The following NOS1AP variants were observed in gnomAD, a reference collection of about 807,000 sequenced individuals.
NOS1AP encodes carboxyl-terminal PDZ ligand of neuronal nitric oxide synthase protein.
NOS1AP carries 21 observed loss-of-function variants against 56.2 expected under a neutral mutation model. That is an observed-to-expected ratio of 0.37 (90% confidence interval 0.26 to 0.54). The LOEUF (loss-of-function observed/expected upper bound fraction) is 0.54. Ranked by LOEUF, NOS1AP falls within the 20% of genes least tolerant of loss-of-function variation. The pLI, the probability that NOS1AP is intolerant of heterozygous loss-of-function variation, is 0.84. For synonymous variants in NOS1AP, 270 were observed against 274.6 expected, an observed-to-expected ratio of 0.98 and a Z score of 0.17; for missense variants, 522 against 657.8, an observed-to-expected ratio of 0.79 and a Z score of 2.26.
intron 1 of NOS1AP, among the ~76,000 whole-genome samples, chr1:162,147,932 A>C (rs528899386): frequency 6.6e-6 from 1 of 152,224 alleles, no homozygotes; most frequent in South Asian, 2.1e-4. Flanking sequence ...GATTCCTGGA[A>C]GGGGGGGATG....
chr1:162,192,100 C>T (rs1651665537), intron 2 of NOS1AP, among the ~76,000 whole-genome samples: 2 of 152,144 alleles, frequency 1.3e-5, no homozygotes, highest in African/African-American at 4.8e-5. Context: ...GTGTCAGGCT[C>T]ACCTGGGAAC....
chr1:162,354,131 A>G (rs1657612034), intron 6 of NOS1AP, among the ~76,000 whole-genome samples: 1 of 152,244 alleles, frequency 6.6e-6, no homozygotes, highest in South Asian at 2.1e-4. Context: ...AATTTGTTCT[A>G]CAAGGCAAGC....
At chr1:162,118,763 G>A (rs1648074777) in intron 1 of NOS1AP, among the ~76,000 whole-genome samples, 1 of 152,162 alleles carries the variant, frequency 6.6e-6, no homozygotes, top group African/African-American at 2.4e-5. Context: ...CATGTTTACT[G>A]AATACCCAGT....
chr1:162,236,682 G>A (rs1421095247), intron 2 of NOS1AP, among the ~76,000 whole-genome samples: 1 of 152,110 alleles, frequency 6.6e-6, no homozygotes, highest in African/African-American at 2.4e-5. Flanking sequence ...GGGATGGGGG[G>A]GCAGGTGTAT....
At chr1:162,300,162 G>T (rs1006353251) in intron 3 of NOS1AP, among the ~76,000 whole-genome samples, 1 of 152,130 alleles carries the variant, frequency 6.6e-6, no homozygotes, top group Non-Finnish European at 1.5e-5. Flanking sequence ...TGACCCTAAT[G>T]GCCCCCCACA....
intron 1 of NOS1AP, among the ~76,000 whole-genome samples, chr1:162,102,028 C>T (rs6688966): frequency 0.51 from 77,059 of 151,930 alleles, 21,709 homozygotes; most frequent in Non-Finnish European, 0.64. Flanking sequence ...TGCTGGTTTT[C>T]AAGGGGGAAT....
rs137887092 is a variant in NOS1AP at position 162,197,204 on chromosome 1, G to A, written c.177+42728G>A. 2.7e-3 allele frequency among the ~76,000 whole-genome samples: 408 copies of A among 152,324 alleles called. 1 individual carries two copies. Among genetic ancestry groups the A allele is most frequent in the African/African-American group, 9.1e-3 (380 of 41,574 alleles). On this transcript the variant is annotated intron_variant, in intron 2 of 9. Transcript: ENST00000361897. ...TCAAGAAATAGTCTCTTTTCAATGA[G>A]AGTTTGAAGGCCAATGCAAAGACCA...
At chr1:162,256,911 A>G (rs1204944071) in intron 2 of NOS1AP, among the ~76,000 whole-genome samples, 6 of 152,136 alleles carry the variant, frequency 3.9e-5, no homozygotes, top group South Asian at 2.1e-4. Context: ...ATGATCTCTT[A>G]GTGATTCCAG....
chr1:162,239,259 G>A (rs548647768), intron 2 of NOS1AP, among the ~76,000 whole-genome samples: 8 of 152,290 alleles, frequency 5.3e-5, no homozygotes, highest in African/African-American at 1.4e-4. Context: ...TAGGAGAGCC[G>A]AGGAAGCTCA....
At chr1:162,200,570 C>G (rs999441850) in intron 2 of NOS1AP, among the ~76,000 whole-genome samples, 1 of 152,182 alleles carries the variant, frequency 6.6e-6, no homozygotes, top group African/African-American at 2.4e-5. Flanking sequence ...CTCAGGACTT[C>G]TGTTGCAGTC....
At position 162,365,279 on chromosome 1, in the gene NOS1AP, G is replaced by C. The variant is rs188190049; in HGVS notation, c.940-125G>C. 11,242 of 1,548,756 alleles carry C rather than the reference G, an allele frequency of 7.3e-3. 55 individuals carry two copies. Among genetic ancestry groups the C allele is most frequent in the Non-Finnish European group, 8.5e-3 (9,775 of 1,146,754 alleles). On this transcript the variant is annotated intron_variant, in intron 8 of 9. Transcript: ENST00000361897. Reference sequence around the variant, plus strand: ...CAGATGCCCATGCTGCCCGTGAAGGGCTTCTTCTTGAACTGAATGTGGAGG... The same window carrying C: ...CAGATGCCCATGCTGCCCGTGAAGGCCTTCTTCTTGAACTGAATGTGGAGG...
intron 2 of NOS1AP, among the ~76,000 whole-genome samples, chr1:162,268,621 TAGA>T (rs1413371700): frequency 6.6e-6 from 1 of 151,554 alleles, no homozygotes; most frequent in Non-Finnish European, 1.5e-5. Flanking sequence ...CCAAAATAAA[TAGA>T]AGGAGGAAGC....
chr1:162,312,093 T>A (rs1408303830), intron 4 of NOS1AP, among the ~76,000 whole-genome samples: 6 of 151,096 alleles, frequency 4.0e-5, no homozygotes, highest in African/African-American at 1.2e-4. Flanking sequence ...TTTGGGTATA[T>A]ACCCAGCAAT....
chr1:162,222,011 A>G (rs1652799289), intron 2 of NOS1AP, among the ~76,000 whole-genome samples: 1 of 152,226 alleles, frequency 6.6e-6, no homozygotes, highest in South Asian at 2.1e-4. Context: ...ATTATTTGCC[A>G]TTATAAAAAA....
intron 1 of NOS1AP, among the ~76,000 whole-genome samples, chr1:162,124,507 G>GTAC (rs77245896): frequency 2.7e-5 from 4 of 150,646 alleles, no homozygotes; most frequent in Middle Eastern, 3.5e-3. Context: ...GTGTGTGTGT[G>GTAC]ACACACACAC....
intron 2 of NOS1AP, among the ~76,000 whole-genome samples, chr1:162,228,677 A>T (rs1653020350): frequency 6.6e-6 from 1 of 152,228 alleles, no homozygotes; most frequent in African/African-American, 2.4e-5. Context: ...ACTCGCTCAA[A>T]TGGATCAAGG....
intron 2 of NOS1AP, among the ~76,000 whole-genome samples, chr1:162,162,971 C>G (rs1366731078): frequency 6.6e-6 from 1 of 152,212 alleles, no homozygotes; most frequent in African/African-American, 2.4e-5. Flanking sequence ...GATTCCCCAA[C>G]ACCCCTAGCC....
At chr1:162,350,065 G>C (rs1195692315) in intron 6 of NOS1AP, among the ~76,000 whole-genome samples, 1 of 152,098 alleles carries the variant, frequency 6.6e-6, no homozygotes, top group Non-Finnish European at 1.5e-5. Context: ...TAAGATTGTT[G>C]CCTAATGGCA....
intron 4 of NOS1AP, among the ~76,000 whole-genome samples, chr1:162,324,444 T>TTTG (rs1369496374): frequency 8.3e-6 from 1 of 121,056 alleles, no homozygotes; most frequent in African/African-American, 3.4e-5. Context: ...TTTTTTTTTT[T>TTTG]GCCTCCCTGT....
Sources: gnomAD v4.1 joint callset for allele counts (sites outside exome capture counted in the v4.1 genomes callset) on GRCh38, gnomAD v4.1.1 for gene constraint, MANE v1.5 for transcripts, NCBI Gene and HGNC (gene_info 2026-07-23, HGNC 2026-07-21) for gene names.